The following CEP192 variants were observed in gnomAD, a reference collection of about 807,000 sequenced individuals.
CEP192 encodes centrosomal protein of 192 kDa.
Under a neutral mutation model 271.8 loss-of-function variants are expected in CEP192, and 151 were observed. The ratio of observed to expected loss-of-function variants is 0.56; its 90% CI spans 0.49 to 0.64. CEP192 has a LOEUF of 0.64. Ranked by LOEUF, CEP192 falls within the 30% of genes least tolerant of loss-of-function variation. The pLI, the probability that CEP192 is intolerant of heterozygous loss-of-function variation, is 0.00. For synonymous variants in CEP192, 995 were observed against 1,076.5 expected (o/e 0.92, Z 1.48); for missense variants, 2,910 against 3,020.5 (o/e 0.96, Z 0.86).
At chr18:13,059,046 G>A (rs1383560309) in intron 20 of CEP192, 36 bp from the exon 21 acceptor site, 1 of 1,347,538 alleles carries the variant, frequency 7.4e-7, no homozygotes, top group Admixed American at 1.7e-5. Context: ...TCAGTGTGAA[G>A]CCATTAATAA....
chr18:13,068,082 A>G lies in CEP192; in HGVS notation c.4615-12A>G. Reference sequence around the variant, plus strand: ...TTGGCTTTACTGAACTGATTCTTGTATTTCTAAACAGAACGCTGTAGCCTG... The same window carrying G: ...TTGGCTTTACTGAACTGATTCTTGTGTTTCTAAACAGAACGCTGTAGCCTG... On this transcript the variant is annotated splice_polypyrimidine_tract_variant and intron_variant, in intron 22 of 44. Coordinates refer to ENST00000506447, the MANE Select transcript of CEP192 (RefSeq NM_032142.4). 6.2e-7 allele frequency: 1 copy of G among 1,613,918 alleles called. No homozygotes were observed. The highest frequency in any genetic ancestry group is 8.5e-7 in the Non-Finnish European group (1 of 1,179,880).
intron 24 of CEP192, among the ~76,000 whole-genome samples, chr18:13,068,623 A>C (rs192705237): frequency 3.3e-5 from 5 of 152,340 alleles, no homozygotes; most frequent in African/African-American, 1.2e-4. Context: ...ATAGCACTGA[A>C]AACCTTTTAG....
intron 11 of CEP192, 91 bp downstream of exon 11, chr18:13,030,699 T>A: frequency 1.0e-6 from 1 of 1,002,964 alleles, no homozygotes; most frequent in South Asian, 1.7e-5. Flanking sequence ...CCACATCAGA[T>A]CCCTTCTGGA....
intron 15 of CEP192, among the ~76,000 whole-genome samples, chr18:13,044,745 A>G (rs1389583333): frequency 6.6e-6 from 1 of 152,164 alleles, no homozygotes; most frequent in Non-Finnish European, 1.5e-5. Context: ...TGTGAGTGAG[A>G]TGAATGCTCT....
In CEP192 at chr18:13,000,091, C is replaced by CTT. The variant is rs775544715; in HGVS notation, c.164+529_164+530dup. On this transcript the variant is annotated intron_variant, in intron 2 of 44. Coordinates refer to ENST00000506447, the MANE Select transcript of CEP192 (RefSeq NM_032142.4). ...CTCTGTATAACTCATTGTCTTCTCT[C>CTT]TTTTTTTTTTTTTTTTTTTTTTTTT... Among the ~76,000 whole-genome samples, 408 of 76,648 alleles carry CTT rather than the reference C, an allele frequency of 5.3e-3. 15 individuals carry two copies. The highest frequency in any genetic ancestry group is 8.8e-3 in the Non-Finnish European group (321 of 36,478). 50.3% of individuals were successfully genotyped at this position (76,648 alleles called of 152,430 possible). A position where few individuals can be genotyped will look rare whatever the true frequency, so the allele number is the denominator to read the frequency against.
chr18:13,089,543 A>C lies in CEP192; in HGVS notation c.6081A>C (p.Gln2027His), dbSNP rs771579439. ...ACATTAATTTTGTTGAAGCATTTCA[A>C]GATGAGCTATTAGTAACTGAAGGTA... The part of the protein sequence containing the change: ...LQNINFVEAF[Q>H]DELLVTEVYD... The change falls in exon 33 of 45, where the codon CAA (glutamine) becomes CAC (histidine). Residue 2027 changes from glutamine (Q) to histidine (H), a missense_variant. By Grantham distance (24) the Gln-to-His change is conservative. Coordinates refer to ENST00000506447, the MANE Select transcript of CEP192 (RefSeq NM_032142.4). 3.2e-6 allele frequency: 5 copies of C among 1,578,542 alleles called. No individual in the cohort carries two copies. In the East Asian group the frequency reaches 1.1e-4, roughly 35 times the overall value.
chr18:13,040,984 G>A, intron 14 of CEP192, 28 bp downstream of exon 14: 3 of 1,580,948 alleles, frequency 1.9e-6, no homozygotes, highest in Non-Finnish European at 2.6e-6. Flanking sequence ...GGGGCTTTTA[G>A]GAATCTTTTT....
chr18:13,049,476 A>C lies in CEP192; in HGVS notation c.2685A>C (p.Glu895Asp). The C allele has an allele frequency of 6.2e-7, 1 of 1,614,148 alleles. No individual in the cohort carries two copies. Residue 895 changes from glutamate (E) to aspartate (D), a missense_variant, in exon 16 of 45, where the codon GAA becomes GAC. Glu to Asp is a conservative substitution (Grantham distance 45, BLOSUM62 2). Transcript: ENST00000506447. ...AATTACAAGATGTTGGTAACGATGA[A>C]AAAGCTACCTCAATTTCCACTCCAT... ...DNKLQDVGND[E>D]KATSISTPSD...
chr18:13,030,399 T>G, intron 10 of CEP192, 66 bp from the exon 11 acceptor site: 3 of 1,374,726 alleles, frequency 2.2e-6, no homozygotes, highest in Non-Finnish European at 2.0e-6. Flanking sequence ...TAAAAAAAAT[T>G]GAGAATGTTT....
At chr18:13,037,176 T>A in intron 11 of CEP192, 61 bp from the exon 12 acceptor site, 1 of 716,474 alleles carries the variant, frequency 1.4e-6, no homozygotes, top group Non-Finnish European at 2.4e-6. Flanking sequence ...AACTTGTATC[T>A]GTGTGCTAGT....
chr18:13,098,508 C>T (rs1309030749), intron 36 of CEP192, among the ~76,000 whole-genome samples: 28 of 151,144 alleles, frequency 1.9e-4, no homozygotes, highest in African/African-American at 2.9e-4. Flanking sequence ...GATGGGGTCG[C>T]GGCCGGGCAG....
chr18:13,046,930 G>C (rs1055154577), intron 15 of CEP192, among the ~76,000 whole-genome samples: 4 of 130,734 alleles, frequency 3.1e-5, no homozygotes, highest in Non-Finnish European at 4.8e-5. Context: ...ATGTATTTTT[G>C]CTTGCTATAG....
chr18:13,064,697 G>C (rs1266177618), intron 21 of CEP192, among the ~76,000 whole-genome samples: 2 of 151,880 alleles, frequency 1.3e-5, no homozygotes, highest in African/African-American at 4.8e-5. Context: ...CTGTGTATCT[G>C]GTTTTATGCC....
chr18:13,030,470 G>T lies in CEP192; in HGVS notation c.1396G>T (p.Asp466Tyr). ...TTGGGAATTTTATTTTTTAGAAACA[G>T]ATCTCCCACAGAGTGTGGTCTATCA... ...ESIEKNKDKT[D>Y]LPQSVVYQNE... Residue 466 changes from aspartate to tyrosine, a missense_variant, in exon 11 of 45, where the codon GAT becomes TAT. By Grantham distance (160) the Asp-to-Tyr change is radical. Coordinates refer to ENST00000506447, the MANE Select transcript of CEP192 (RefSeq NM_032142.4). The T allele has an allele frequency of 6.3e-7, 1 of 1,578,658 alleles. No homozygotes were observed. The highest frequency in any genetic ancestry group is 8.6e-7 in the Non-Finnish European group (1 of 1,161,390).
At chr18:13,028,978 T>G (rs2035464650) in intron 9 of CEP192, among the ~76,000 whole-genome samples, 1 of 152,254 alleles carries the variant, frequency 6.6e-6, no homozygotes, top group Admixed American at 6.5e-5. Flanking sequence ...CTTACCAGGT[T>G]GTTCTTATTG....
chr18:13,102,722 T>G (rs1038951819), intron 38 of CEP192, among the ~76,000 whole-genome samples: 4 of 152,204 alleles, frequency 2.6e-5, no homozygotes, highest in Non-Finnish European at 4.4e-5. Context: ...TCGGATCCCT[T>G]GCTGACTCCT....
chr18:13,077,511 A>G (rs550711249), intron 30 of CEP192, among the ~76,000 whole-genome samples: 1 of 152,354 alleles, frequency 6.6e-6, no homozygotes, highest in Admixed American at 6.5e-5. Flanking sequence ...GAGTATGGAA[A>G]GTTTCCAGCA....
In CEP192 at chr18:13,042,237, G is replaced by A; in HGVS notation, c.1970G>A (p.Ser657Asn). ...AATGAACAGTCCCAGGCACAGCTAA[G>A]TGAAGGATCAATTACACTTCAGGTT... ...DLNEQSQAQL[S>N]EGSITLQVEA... is the part of the protein sequence containing the mutation. Residue 657 changes from serine to asparagine, a missense_variant, in exon 15 of 45, where the codon AGT becomes AAT. Coordinates refer to ENST00000506447, the MANE Select transcript of CEP192 (RefSeq NM_032142.4). The A allele has an allele frequency of 6.2e-7, 1 of 1,612,974 alleles. No individual in the cohort carries two copies. The highest frequency in any genetic ancestry group is 1.1e-5 in the South Asian group (1 of 91,048).
chr18:13,038,133 G>T (rs2036009581), intron 12 of CEP192, among the ~76,000 whole-genome samples: 1 of 152,142 alleles, frequency 6.6e-6, no homozygotes, highest in Non-Finnish European at 1.5e-5. Flanking sequence ...GCTGTCATGA[G>T]CAACTCATGA....
Sources: gnomAD v4.1 joint callset for allele counts (sites outside exome capture counted in the v4.1 genomes callset) on GRCh38, gnomAD v4.1.1 for gene constraint, MANE v1.5 for transcripts, NCBI Gene and HGNC (gene_info 2026-07-23, HGNC 2026-07-21) for gene names.